Variants in KCTD16 observed in about 807,000 individuals in gnomAD.
KCTD16 encodes potassium channel tetramerization domain containing 16.
Under a neutral mutation model 33.2 loss-of-function variants are expected in KCTD16, and 13 were observed. That is an observed-to-expected ratio of 0.39 (90% CI 0.25 to 0.62). KCTD16 has a LOEUF of 0.62. Ranked by LOEUF, KCTD16 falls within the 20% of genes least tolerant of loss-of-function variation. The pLI is 0.50. For synonymous variants in KCTD16, 197 were observed against 195.3 expected (o/e 1.01, Z -0.07); for missense variants, 441 against 525.1 (o/e 0.84, Z 1.57).
intron 2 of KCTD16, among the ~76,000 whole-genome samples, chr5:144,185,432 C>G (rs1183546699): frequency 6.6e-6 from 1 of 152,162 alleles, no homozygotes; most frequent in Non-Finnish European, 1.5e-5. Flanking sequence ...TTCAGTGGCT[C>G]AAACAATATC....
rs970832020 is a variant in KCTD16, at chr5:144,481,109, T to G, written c.*6995T>G. ...TCTTGTGTTCTTCTACTTCAGTCTT[T>G]CTGCCTCAGAAAAATTATACTTCAG... is the stretch of plus-strand genomic sequence containing the variant. On this transcript the variant is annotated 3_prime_UTR_variant, in exon 4 of 4. Transcript: ENST00000512467. 3.9e-5 allele frequency: 6 copies of G among 151,958 alleles called. No individual in the cohort carries two copies. The highest frequency in any genetic ancestry group is 7.4e-5 in the Non-Finnish European group (5 of 67,924). The allele number at this position is 151,958 out of a possible 1,614,324, so 9.4% of individuals were successfully genotyped here.
At chr5:144,401,828 A>G (rs1752710377) in intron 3 of KCTD16, among the ~76,000 whole-genome samples, 1 of 152,246 alleles carries the variant, frequency 6.6e-6, no homozygotes, top group Non-Finnish European at 1.5e-5. Context: ...TTTCATAGAT[A>G]TGGAAAGAAG....
intron 3 of KCTD16, among the ~76,000 whole-genome samples, chr5:144,344,918 C>T (rs979140043): frequency 9.2e-5 from 14 of 151,544 alleles, no homozygotes; most frequent in Non-Finnish European, 1.5e-4. Context: ...ATGTTTATTG[C>T]GGCACTATTC....
chr5:144,204,745 G>C (rs1172144242), intron 2 of KCTD16, among the ~76,000 whole-genome samples: 1 of 152,094 alleles, frequency 6.6e-6, no homozygotes, highest in Non-Finnish European at 1.5e-5. Context: ...TAATTTCAGA[G>C]AGAGTGTTTA....
intron 3 of KCTD16, among the ~76,000 whole-genome samples, chr5:144,290,347 A>G (rs766753812): frequency 5.9e-5 from 9 of 152,098 alleles, no homozygotes; most frequent in South Asian, 2.1e-4. Flanking sequence ...AAAAAACTCT[A>G]TCGTATTTCT....
chr5:144,287,367 G>T (rs1005962807), intron 3 of KCTD16, among the ~76,000 whole-genome samples: 1 of 126,596 alleles, frequency 7.9e-6, no homozygotes, highest in Non-Finnish European at 1.9e-5. Context: ...CAGCTGCCAG[G>T]CCCCTTGGCC....
At chr5:144,340,229 C>T (rs912810104) in intron 3 of KCTD16, among the ~76,000 whole-genome samples, 2 of 151,680 alleles carry the variant, frequency 1.3e-5, no homozygotes, top group Non-Finnish European at 2.9e-5. Context: ...AGTGAAACCC[C>T]GTCTCTACTA....
At chr5:144,396,835 A>C (rs185643706) in intron 3 of KCTD16, among the ~76,000 whole-genome samples, 20 of 151,238 alleles carry the variant, frequency 1.3e-4, no homozygotes, top group Admixed American at 6.6e-5. Context: ...ATATAAACTG[A>C]CTTGTGGCAT....
chr5:144,226,580 C>CT (rs879366406), intron 3 of KCTD16, among the ~76,000 whole-genome samples: 170 of 144,374 alleles, frequency 1.2e-3, no homozygotes, highest in South Asian at 2.6e-3. Flanking sequence ...AAAAATATGT[C>CT]TTTTTTTTTT....
At chr5:144,321,673 C>A (rs1260956910) in intron 3 of KCTD16, among the ~76,000 whole-genome samples, 3 of 152,010 alleles carry the variant, frequency 2.0e-5, no homozygotes, top group African/African-American at 7.3e-5. Flanking sequence ...GTGTTAATTA[C>A]CCTGATGGCA....
chr5:144,171,217 CT>C (rs1378390291), intron 1 of KCTD16, among the ~76,000 whole-genome samples: 3 of 152,104 alleles, frequency 2.0e-5, no homozygotes, highest in Non-Finnish European at 4.4e-5. Context: ...TACTAATATT[CT>C]TTAGTGTTCC....
At chr5:144,420,179 T>C (rs1753176923) in intron 3 of KCTD16, among the ~76,000 whole-genome samples, 1 of 152,094 alleles carries the variant, frequency 6.6e-6, no homozygotes, top group South Asian at 2.1e-4. Context: ...CCAGATAATG[T>C]TTTGTTGTGA....
At chr5:144,261,138 G>A (rs553972758) in intron 3 of KCTD16, among the ~76,000 whole-genome samples, 8 of 134,330 alleles carry the variant, frequency 6.0e-5, no homozygotes, top group South Asian at 2.3e-4. Flanking sequence ...GAAAGAAGGA[G>A]CTGTATTTCA....
At chr5:144,250,801 G>A (rs1467047091) in intron 3 of KCTD16, among the ~76,000 whole-genome samples, 1 of 152,030 alleles carries the variant, frequency 6.6e-6, no homozygotes, top group Non-Finnish European at 1.5e-5. Flanking sequence ...TCATCTATAT[G>A]TGTCATTTCA....
intron 3 of KCTD16, among the ~76,000 whole-genome samples, chr5:144,289,208 G>C (rs1163323363): frequency 6.6e-6 from 1 of 152,166 alleles, no homozygotes; most frequent in Non-Finnish European, 1.5e-5. Context: ...TATCATTTAT[G>C]ATTTGTTTCT....
chr5:144,324,968 C>G (rs1275610323), intron 3 of KCTD16, among the ~76,000 whole-genome samples: 1 of 152,176 alleles, frequency 6.6e-6, no homozygotes, highest in African/African-American at 2.4e-5. Context: ...ATAGCTAATG[C>G]ATGCTGGGCT....
At chr5:144,366,114 A>G (rs1245666940) in intron 3 of KCTD16, among the ~76,000 whole-genome samples, 2 of 152,144 alleles carry the variant, frequency 1.3e-5, no homozygotes, top group South Asian at 2.1e-4. Context: ...ATACATATGT[A>G]CATATTTACC....
At chr5:144,211,220 CT>C (rs1277935223) in intron 3 of KCTD16, among the ~76,000 whole-genome samples, 1 of 152,104 alleles carries the variant, frequency 6.6e-6, no homozygotes, top group Non-Finnish European at 1.5e-5. Context: ...GAAATATATG[CT>C]TTGGCCACTG....
intron 3 of KCTD16, among the ~76,000 whole-genome samples, chr5:144,220,876 G>C (rs552011879): frequency 6.6e-6 from 1 of 151,978 alleles, no homozygotes; most frequent in Admixed American, 6.5e-5. Context: ...AGGAGACGGA[G>C]GTTGCAGTGA....
Sources: gnomAD v4.1 joint callset for allele counts (sites outside exome capture counted in the v4.1 genomes callset) on GRCh38, gnomAD v4.1.1 for gene constraint, MANE v1.5 for transcripts, NCBI Gene and HGNC (gene_info 2026-07-23, HGNC 2026-07-21) for gene names.